The following TRIM49B variants were observed in gnomAD, a reference collection of about 807,000 sequenced individuals.
The protein encoded by TRIM49B is tripartite motif containing 49B, also known as putative tripartite motif-containing protein 49B.
TRIM49B carries 18 observed loss-of-function variants against 31.8 expected under a neutral mutation model. The ratio of observed to expected loss-of-function variants is 0.57; its 90% CI spans 0.39 to 0.84. The LOEUF is 0.84. TRIM49B is among the 40% of genes least tolerant of loss of function. The pLI is 0.00. For missense variants in TRIM49B, 494 were observed against 538.7 expected, an observed-to-expected ratio of 0.92 and a Z score of 0.82; for synonymous variants, 196 against 180.6, an observed-to-expected ratio of 1.09 and a Z score of -0.68.
Position 49,034,174 on chromosome 11 carries a change from T to C in TRIM49B, c.536T>C (p.Ile179Thr), listed in dbSNP as rs1306215617. ...KDYVNLRLEA[I>T]RAEYQKMPAF... ...TATGTGAATTTAAGGCTAGAAGCAA[T>C]TAGAGCTGAGTATCAGAAGATGCCT... The change falls in exon 4 of 7, where the codon ATT becomes ACT. Residue 179 changes from isoleucine (I) to threonine (T), a missense_variant. By Grantham distance (89) the Ile-to-Thr change is moderately conservative. Transcript: ENST00000332682. The C allele has an allele frequency of 6.2e-7, 1 of 1,611,760 alleles. No individual in the cohort carries two copies. The highest frequency in any genetic ancestry group is 2.2e-4 in the Middle Eastern group (1 of 4,452).
chr11:49,035,339 ATTTTTTTTTTTTTTTTTTTTTTTTT>A (rs1162056301), intron 5 of TRIM49B, among the ~76,000 whole-genome samples: 5 of 56,774 alleles, frequency 8.8e-5, no homozygotes, highest in African/African-American at 1.5e-4. Context: ...TTGATTCCTG[ATTTTTTTTTTTTTTTTTTTTTTTTT>A]TTTTTTTTTT....
chr11:49,036,963 C>T (rs1277378860), intron 6 of TRIM49B, among the ~76,000 whole-genome samples: 3 of 152,122 alleles, frequency 2.0e-5, no homozygotes, highest in Admixed American at 2.0e-4. Context: ...CATGTTAAGT[C>T]TAAAATCCAG....
At chr11:49,029,721 G>A (rs1427879283) in intron 1 of TRIM49B, among the ~76,000 whole-genome samples, 1 of 152,208 alleles carries the variant, frequency 6.6e-6, no homozygotes, top group African/African-American at 2.4e-5. Flanking sequence ...ATTAGTCAGA[G>A]TTCTCCAGAC....
At chr11:49,035,337 TGA>T (rs1854510119) in intron 5 of TRIM49B, among the ~76,000 whole-genome samples, 2 of 128,638 alleles carry the variant, frequency 1.6e-5, no homozygotes, top group African/African-American at 2.9e-5. Flanking sequence ...ATTTGATTCC[TGA>T]TTTTTTTTTT....
At chr11:49,034,750 C>A (rs918743695) in intron 4 of TRIM49B, among the ~76,000 whole-genome samples, 1 of 152,114 alleles carries the variant, frequency 6.6e-6, no homozygotes, top group Non-Finnish European at 1.5e-5. Context: ...TCTAGGTTTG[C>A]ATTAACGTTA....
chr11:49,030,705 A>G (rs1220566751), intron 1 of TRIM49B, among the ~76,000 whole-genome samples: 1 of 152,164 alleles, frequency 6.6e-6, no homozygotes, highest in Non-Finnish European at 1.5e-5. Context: ...CTCTAGAAAC[A>G]CCTTCACAGA....
intron 1 of TRIM49B, among the ~76,000 whole-genome samples, chr11:49,029,428 C>T (rs1241047621): frequency 6.6e-6 from 1 of 152,002 alleles, no homozygotes; most frequent in Non-Finnish European, 1.5e-5. Flanking sequence ...GAGAAAGCTC[C>T]CCAAAATATC....
rs1330498186 is a variant in TRIM49B at position 49,031,880 on chromosome 11, G to A, written c.281G>A (p.Gly94Asp). ...CTGAGCTCTGAGGAGCAAATGTGTG[G>A]CACTCACAGGGAGACAAAGAAGATG... ...LFLSSEEQMC[G>D]THRETKKMFC... The change falls in exon 2 of 7, where the codon GGC (glycine) becomes GAC (aspartate). Residue 94 changes from glycine (G) to aspartate (D), a missense_variant. This residue lies in a region of TRIM49B where 251 missense variants were observed against 232.8 expected (regional missense o/e 1.08). Transcript: ENST00000332682. 8.1e-6 allele frequency: 13 copies of A among 1,613,346 alleles called. No homozygotes were observed. In the African/African-American group the frequency reaches 1.7e-4, roughly 22 times the overall value.
chr11:49,036,903 T>C (rs1232501662), intron 6 of TRIM49B, among the ~76,000 whole-genome samples: 1 of 152,160 alleles, frequency 6.6e-6, no homozygotes, highest in Non-Finnish European at 1.5e-5. Flanking sequence ...TGAATATAAG[T>C]AAAATTACAA....
chr11:49,032,952 C>T (rs1854473476), intron 3 of TRIM49B, among the ~76,000 whole-genome samples: 1 of 152,024 alleles, frequency 6.6e-6, no homozygotes, highest in Admixed American at 6.5e-5. Context: ...GTAAACATGC[C>T]AGAAATATGG....
rs757701721 is a variant in TRIM49B at position 49,037,725 on chromosome 11, G to A, written c.1107G>A (p.Glu369=). 6.2e-7 allele frequency: 1 copy of A among 1,613,960 alleles called. No individual in the cohort carries two copies. The highest frequency in any genetic ancestry group is 8.5e-7 in the Non-Finnish European group (1 of 1,179,858). ...NMYWKEKNQN[E]KIDGEDGLFL... is the part of the protein sequence containing the mutation. ...ATTGGAAAGAGAAGAATCAGAATGA[G>A]AAGATAGATGGAGAGGATGGACTCT... Residue 369 remains glutamate, a synonymous_variant, in exon 7 of 7, where the codon GAG becomes GAA. Transcript: ENST00000332682.
intron 5 of TRIM49B, among the ~76,000 whole-genome samples, chr11:49,035,797 T>A (rs1261534907): frequency 2.0e-5 from 3 of 152,154 alleles, no homozygotes; most frequent in African/African-American, 7.2e-5. Context: ...TGATGTTTTG[T>A]TTTTTATACA....
chr11:49,034,723 A>C (rs1380048166), intron 4 of TRIM49B, among the ~76,000 whole-genome samples: 1 of 152,188 alleles, frequency 6.6e-6, no homozygotes, highest in Non-Finnish European at 1.5e-5. Context: ...ACATGGCAAG[A>C]TCAGAAGTTT....
At chr11:49,035,602 C>CCCG (rs1415406033) in intron 5 of TRIM49B, among the ~76,000 whole-genome samples, 3 of 151,928 alleles carry the variant, frequency 2.0e-5, no homozygotes, top group Non-Finnish European at 2.9e-5. Context: ...CCGTGATCCG[C>CCCG]CCGCCTCAGC....
At chr11:49,033,155 T>G (rs551646957) in intron 3 of TRIM49B, among the ~76,000 whole-genome samples, 2 of 152,196 alleles carry the variant, frequency 1.3e-5, no homozygotes, top group Non-Finnish European at 2.9e-5. Context: ...GAAGCACCTT[T>G]GTCCTCACAA....
chr11:49,035,573 T>C (rs561705932), intron 5 of TRIM49B, among the ~76,000 whole-genome samples: 1 of 151,978 alleles, frequency 6.6e-6, no homozygotes, highest in East Asian at 1.9e-4. Flanking sequence ...TTAGCCAGGA[T>C]GGTCTCTATC....
chr11:49,031,635 A>G lies in TRIM49B; in HGVS notation c.36A>G (p.Glu12=), dbSNP rs767468632. Residue 12 remains glutamate, a synonymous_variant, in exon 2 of 7, where the codon GAA becomes GAG. Coordinates refer to ENST00000332682, the MANE Select transcript of TRIM49B (RefSeq NM_001206626.2). The stretch of plus-strand genomic sequence containing the variant: ...GAATCTTACAGGTCTTTCAGAGGGA[A>G]CTCATCTGCCCCATCTGCATGAACT... ...NSGILQVFQR[E]LICPICMNYF... 5.8e-5 allele frequency: 94 copies of G among 1,613,742 alleles called. No homozygotes were observed. The highest frequency in any genetic ancestry group is 7.5e-5 in the Non-Finnish European group (88 of 1,179,864).
chr11:49,036,913 A>G (rs1854536552), intron 6 of TRIM49B, among the ~76,000 whole-genome samples: 1 of 152,220 alleles, frequency 6.6e-6, no homozygotes, highest in Non-Finnish European at 1.5e-5. Flanking sequence ...TAAAATTACA[A>G]ATGAAAATAA....
chr11:49,034,088 G>T, intron 3 of TRIM49B, 58 bp from the exon 4 acceptor site: 1 of 1,609,642 alleles, frequency 6.2e-7, no homozygotes, highest in Non-Finnish European at 8.5e-7. Context: ...GAATCAGTGA[G>T]ATTTAATAGG....
Sources: gnomAD v4.1 joint callset for allele counts (sites outside exome capture counted in the v4.1 genomes callset) on GRCh38, gnomAD v4.1.1 for gene constraint, gnomAD v4.1.1 regional missense constraint, MANE v1.5 for transcripts, NCBI Gene and HGNC (gene_info 2026-07-23, HGNC 2026-07-21) for gene names.